Variants in ANKRD6 observed in about 807,000 individuals in gnomAD.
ANKRD6 encodes ankyrin repeat domain-containing protein 6.
A neutral mutation model predicts 82.3 loss-of-function variants in ANKRD6; 56 were observed. The observed-to-expected ratio is 0.68, with a 90% CI of 0.55 to 0.85. The LOEUF (loss-of-function observed/expected upper bound fraction) is 0.85. Among genes scored for constraint, ANKRD6 ranks in the 40% least tolerant of loss-of-function variants. The pLI is 0.00. For missense variants in ANKRD6, 852 were observed against 907.6 expected, an observed-to-expected ratio of 0.94 and a Z score of 0.79; for synonymous variants, 347 against 352.1, an observed-to-expected ratio of 0.99 and a Z score of 0.16.
At chr6:89,445,333 T>C (rs557386824) in intron 1 of ANKRD6, among the ~76,000 whole-genome samples, 101 of 144,758 alleles carry the variant, frequency 7.0e-4, no homozygotes, top group Non-Finnish European at 1.2e-3. Context: ...TGCAGTGGCA[T>C]GATCTTAGCT....
In ANKRD6 at chr6:89,476,239, G is replaced by A. The variant is rs562188096; in HGVS notation, c.-144+42864G>A. 2.0e-5 allele frequency among the ~76,000 whole-genome samples: 3 copies of A among 152,208 alleles called. No individual in the cohort carries two copies. In the East Asian group the frequency reaches 5.8e-4, roughly 29 times the overall value. ...CTTGCTTTGTTGTCCAGACTAGAGT[G>A]AAGTGGCTTGATCCTGGCTCACTGC... On this transcript the variant is annotated intron_variant, in intron 1 of 15. Coordinates refer to ENST00000339746, the MANE Select transcript of ANKRD6 (RefSeq NM_001242809.2).
Position 89,631,996 on chromosome 6 carries a change from T to G in ANKRD6, c.*992T>G, listed in dbSNP as rs1331010897. ...TAGGCCCCACTGTTCCCCAACTTCATGGAGGCCAGAAGACTTTACTTTGTT... is the reference window on the plus strand; with the variant it reads ...TAGGCCCCACTGTTCCCCAACTTCAGGGAGGCCAGAAGACTTTACTTTGTT... On this transcript the variant is annotated 3_prime_UTR_variant, in exon 16 of 16. Coordinates refer to ENST00000339746, the MANE Select transcript of ANKRD6 (RefSeq NM_001242809.2). 2 of 152,214 alleles carry G rather than the reference T, an allele frequency of 1.3e-5. No homozygotes were observed. Among genetic ancestry groups the G allele is most frequent in the African/African-American group, 4.8e-5 (2 of 41,442 alleles). The allele number at this position is 152,214 out of a possible 1,614,324, so 9.4% of individuals were successfully genotyped here. A position where few individuals can be genotyped will look rare whatever the true frequency, so the allele number is the denominator to read the frequency against.
chr6:89,450,428 G>C (rs994520602), intron 1 of ANKRD6, among the ~76,000 whole-genome samples: 1 of 152,178 alleles, frequency 6.6e-6, no homozygotes, highest in African/African-American at 2.4e-5. Flanking sequence ...CAGCCACCGG[G>C]CTTGAGACAA....
chr6:89,578,393 T>A (rs2128108187), intron 2 of ANKRD6, among the ~76,000 whole-genome samples: 1 of 146,804 alleles, frequency 6.8e-6, no homozygotes, highest in Non-Finnish European at 1.5e-5. Flanking sequence ...CCTCCCGGGT[T>A]GAAGCGATTC....
Position 89,497,869 on chromosome 6 carries a change from T to A in ANKRD6, c.-144+64494T>A, listed in dbSNP as rs143900625. Among the ~76,000 whole-genome samples the A allele has an allele frequency of 3.4e-4, 52 of 152,306 alleles. No individual in the cohort carries two copies. In the East Asian group the frequency reaches 3.9e-3, roughly 11 times the overall value. ...AAAGTTTCCTAATGCCATTTAGTGA[T>A]CAGTCCCCACTACCACCCCTAGCTC... On this transcript the variant is annotated intron_variant, in intron 1 of 15. Coordinates refer to ENST00000339746, the MANE Select transcript of ANKRD6 (RefSeq NM_001242809.2).
At chr6:89,598,247 G>T in intron 3 of ANKRD6, 1 of 985,344 alleles carries the variant, frequency 1.0e-6, no homozygotes, top group Non-Finnish European at 1.2e-6. Context: ...CCTGCCAATC[G>T]TGTCAACTCT....
At chr6:89,516,793 A>G (rs989150804) in intron 1 of ANKRD6, among the ~76,000 whole-genome samples, 2 of 152,092 alleles carry the variant, frequency 1.3e-5, no homozygotes, top group African/African-American at 4.8e-5. Context: ...TAGATTTTCA[A>G]TATCCATATC....
intron 1 of ANKRD6, among the ~76,000 whole-genome samples, chr6:89,521,073 T>TA (rs2127967721): frequency 6.6e-6 from 1 of 152,286 alleles, no homozygotes; most frequent in South Asian, 2.1e-4. Context: ...TGTTGAGAAA[T>TA]AGAGATTTTA....
chr6:89,543,037 C>T (rs1376414689), intron 1 of ANKRD6, among the ~76,000 whole-genome samples: 1 of 152,098 alleles, frequency 6.6e-6, no homozygotes, highest in Non-Finnish European at 1.5e-5. Context: ...TCTGTTTGTT[C>T]TTGGGGTTTT....
At chr6:89,449,170 T>C (rs1019946087) in intron 1 of ANKRD6, among the ~76,000 whole-genome samples, 7 of 152,150 alleles carry the variant, frequency 4.6e-5, no homozygotes, top group Admixed American at 3.3e-4. Context: ...TTAAGAACAT[T>C]CATGATTCAT....
At position 89,630,662 on chromosome 6, in the gene ANKRD6, C is replaced by T. The variant is rs1160949671; in HGVS notation, c.1842C>T (p.Val614=). Residue 614 remains valine, a synonymous_variant, in exon 16 of 16, where the codon GTC becomes GTT. Coordinates refer to ENST00000339746, the MANE Select transcript of ANKRD6 (RefSeq NM_001242809.2). ...ARSDQQAGPC[V]NRGTQTKKSG... ...CTGATCAGCAGGCTGGGCCCTGCGT[C>T]AACAGAGGCACTCAAACTAAGAAGT... The T allele has an allele frequency of 7.4e-6, 12 of 1,613,938 alleles. No individual in the cohort carries two copies. Among genetic ancestry groups the T allele is most frequent in the Non-Finnish European group, 9.3e-6 (11 of 1,179,844 alleles).
At chr6:89,578,308 T>G (rs1791642406) in intron 2 of ANKRD6, among the ~76,000 whole-genome samples, 1 of 125,026 alleles carries the variant, frequency 8.0e-6, no homozygotes, top group African/African-American at 2.9e-5. Context: ...TTTTTTTTTT[T>G]TTTTGGAAAC....
At chr6:89,543,499 G>A (rs1030964160) in intron 1 of ANKRD6, among the ~76,000 whole-genome samples, 14 of 152,154 alleles carry the variant, frequency 9.2e-5, no homozygotes, top group Non-Finnish European at 1.6e-4. Flanking sequence ...TAGATCCTGT[G>A]GTGTCAGGGT....
At chr6:89,548,185 A>G (rs1026954042) in intron 1 of ANKRD6, among the ~76,000 whole-genome samples, 3 of 152,128 alleles carry the variant, frequency 2.0e-5, no homozygotes, top group Non-Finnish European at 4.4e-5. Flanking sequence ...ATACCCATTA[A>G]TAGTCATTCC....
intron 1 of ANKRD6, among the ~76,000 whole-genome samples, chr6:89,530,390 T>G (rs1782995331): frequency 6.6e-6 from 1 of 151,568 alleles, no homozygotes; most frequent in African/African-American, 2.4e-5. Flanking sequence ...CTTCAATTTG[T>G]TTAAAAAAAA....
chr6:89,518,055 G>A (rs1781433497), intron 1 of ANKRD6, among the ~76,000 whole-genome samples: 2 of 152,220 alleles, frequency 1.3e-5, no homozygotes, highest in African/African-American at 4.8e-5. Flanking sequence ...AACTGACATG[G>A]TTCCTGTTTT....
rs2128278217 is a variant in ANKRD6 at position 89,627,697 on chromosome 6, G to C, written c.1485+1G>C. 6.2e-7 allele frequency: 1 copy of C among 1,613,482 alleles called. No individual in the cohort carries two copies. The highest frequency in any genetic ancestry group is 8.5e-7 in the Non-Finnish European group (1 of 1,179,566). On this transcript the variant is annotated splice_donor_variant, in intron 14 of 15. Transcript: ENST00000339746. LOFTEE classifies it high-confidence loss of function. ...GAAGCATGAGGGGGAGAAACGACAG[G>C]TAGGAACCAGCATCTGCTAGTCCTT...
At chr6:89,548,035 T>A (rs564198133) in intron 1 of ANKRD6, among the ~76,000 whole-genome samples, 17 of 152,342 alleles carry the variant, frequency 1.1e-4, no homozygotes, top group Admixed American at 1.0e-3. Context: ...AATAGAATTT[T>A]AAAAATTGAG....
At chr6:89,612,945 A>G (rs998224681) in intron 6 of ANKRD6, among the ~76,000 whole-genome samples, 1 of 152,192 alleles carries the variant, frequency 6.6e-6, no homozygotes, top group African/African-American at 2.4e-5. Flanking sequence ...GCTTCTTTCT[A>G]AAGTGTCCTC....
Sources: allele counts gnomAD v4.1 joint callset (sites outside exome capture counted in the v4.1 genomes callset), GRCh38; gene constraint gnomAD v4.1.1; transcripts MANE v1.5; gene names NCBI Gene and HGNC (gene_info 2026-07-23, HGNC 2026-07-21).